Variants in LRRC71 observed in about 807,000 individuals in gnomAD.
The protein encoded by LRRC71 is leucine-rich repeat-containing protein 71.
In LRRC71, 54 loss-of-function variants were observed where a neutral mutation model predicts 66.6. The observed-to-expected ratio is 0.81, with a 90% CI of 0.65 to 1.02. The LOEUF is 1.02. LRRC71 is among the 50% of genes least tolerant of loss of function. The pLI is 0.00. For missense variants in LRRC71, 724 were observed against 718.0 expected (o/e 1.01, Z -0.10); for synonymous variants, 323 against 303.9 (o/e 1.06, Z -0.65).
downstream of LRRC71, chr1:156,937,041 C>T: frequency 6.2e-7 from 1 of 1,602,176 alleles, no homozygotes; most frequent in South Asian, 1.1e-5. Context: ...TGCTCGAGTC[C>T]TTCTATTCCT....
chr1:156,924,292 G>T, intron 2 of LRRC71, 132 bp from the exon 3 acceptor site: 3 of 1,362,400 alleles, frequency 2.2e-6, no homozygotes, highest in Middle Eastern at 2.6e-4. Context: ...CGAGTGGCCG[G>T]AGAGGCAGAG....
At position 156,931,980 on chromosome 1, in the gene LRRC71, A is replaced by G; in HGVS notation, c.1394A>G (p.Lys465Arg). 6.2e-7 allele frequency: 1 copy of G among 1,601,554 alleles called. No homozygotes were observed. The highest frequency in any genetic ancestry group is 8.5e-7 in the Non-Finnish European group (1 of 1,174,014). The change falls in exon 13 of 15, where the codon AAA (lysine) becomes AGA (arginine). Residue 465 changes from lysine to arginine, a missense_variant. Physicochemically the swap from Lys to Arg is conservative, Grantham distance 26. Transcript: ENST00000337428. The stretch of plus-strand genomic sequence containing the variant: ...GAGCCTGTGGAGCACCGAGATGGGA[A>G]AGTTTTCATGCCTGGGAACAAGGTC... ...LLEPVEHRDGKVFMPGNKVLL... is the reference protein window; with the variant it reads ...LLEPVEHRDGRVFMPGNKVLL...
At chr1:156,929,205 A>G in intron 9 of LRRC71, 75 bp from the exon 10 acceptor site, 1 of 1,516,828 alleles carries the variant, frequency 6.6e-7, no homozygotes, top group Middle Eastern at 2.0e-4. Context: ...AAGTATGGGT[A>G]TAGCTACCTT....
At chr1:156,936,480 GAAAAAAAA>G (rs35863393), downstream of LRRC71, among the ~76,000 whole-genome samples, 6 of 48,020 alleles carry the variant, frequency 1.2e-4, no homozygotes, top group African/African-American at 3.5e-4. Flanking sequence ...CAAATAAATA[GAAAAAAAA>G]AAAAAAAAAA....
the LRRC71 span, chr1:156,939,212 A>T: frequency 3.1e-6 from 1 of 317,994 alleles, no homozygotes; most frequent in Non-Finnish European, 5.9e-6. Context: ...GGAACAGGAG[A>T]TCAGTGAGGA....
chr1:156,931,250 C>G (rs981190058), intron 12 of LRRC71, among the ~76,000 whole-genome samples: 3 of 152,184 alleles, frequency 2.0e-5, no homozygotes, highest in Non-Finnish European at 4.4e-5. Context: ...TTATTTTTCT[C>G]TTCCATTGGA....
chr1:156,938,473 C>G, the LRRC71 span: 3 of 1,613,874 alleles, frequency 1.9e-6, no homozygotes, highest in African/African-American at 1.3e-5. Flanking sequence ...ACTGGCCACT[C>G]TCTGGTAGTG....
intron 5 of LRRC71, among the ~76,000 whole-genome samples, chr1:156,925,753 A>T (rs1571039802): frequency 6.6e-6 from 1 of 151,880 alleles, no homozygotes; most frequent in African/African-American, 2.4e-5. Context: ...GCGGGGGGGT[A>T]CCCCTCCATG....
At position 156,929,726 on chromosome 1, in the gene LRRC71, G is replaced by A; in HGVS notation, c.1237G>A (p.Gly413Arg). The change falls in exon 11 of 15, where the codon GGG (glycine) becomes AGG (arginine). Residue 413 changes from glycine (G) to arginine (R), a missense_variant. By Grantham distance (125) the Gly-to-Arg change is moderately radical. Transcript: ENST00000337428. The part of the protein sequence containing the change: ...KKEDATKAGK[G>R]KVTIPEQKPS... ...GGAAGATGCCACAAAGGCAGGCAAG[G>A]GGAGTAAGTGCGGGTGCCCCTGGGT... is the stretch of plus-strand genomic sequence containing the variant. 1.9e-6 allele frequency: 3 copies of A among 1,561,906 alleles called. No homozygotes were observed. The highest frequency in any genetic ancestry group is 2.4e-5 in the East Asian group (1 of 41,588).
chr1:156,930,099 CT>C (rs5778012), intron 11 of LRRC71, among the ~76,000 whole-genome samples: 2,167 of 113,062 alleles, frequency 0.019, 72 homozygotes, highest in African/African-American at 0.069. Context: ...CTTTCTCTCT[CT>C]TTTTTTTTTT....
chr1:156,940,269 A>G, the LRRC71 span: 4 of 1,612,310 alleles, frequency 2.5e-6, no homozygotes, highest in African/African-American at 5.3e-5. Context: ...GGCCAAGTGG[A>G]TGGGGTTCCT....
chr1:156,932,737 T>C lies in LRRC71; in HGVS notation c.1564-116T>C, dbSNP rs1654571009. 3.3e-6 allele frequency: 5 copies of C among 1,500,672 alleles called. No individual in the cohort carries two copies. In the African/African-American group the frequency reaches 6.9e-5, roughly 21 times the overall value. The allele number at this position is 1,500,672 out of a possible 1,614,324, so 93.0% of individuals were successfully genotyped here. ...AATCAGCAGTATTAATCACTCTGCT[T>C]TTTCTGCATGTCCCCCAGCCCCTAA... On this transcript the variant is annotated intron_variant, in intron 14 of 14. Coordinates refer to ENST00000337428, the MANE Select transcript of LRRC71 (RefSeq NM_144702.3).
rs1364372462 is a variant in LRRC71 at position 156,931,953 on chromosome 1, T to C, written c.1367T>C (p.Leu456Pro). The C allele has an allele frequency of 6.3e-7, 1 of 1,598,296 alleles. No individual in the cohort carries two copies. The highest frequency in any genetic ancestry group is 1.3e-5 in the African/African-American group (1 of 74,660). Residue 456 changes from leucine (L) to proline (P), a missense_variant, in exon 13 of 15, where the codon CTG (leucine) becomes CCG (proline). Physicochemically the swap from Leu to Pro is moderately conservative, Grantham distance 98. Transcript: ENST00000337428. Reference sequence around the variant, plus strand: ...GCTACTGAGGTGGTCAACCCTCTCCTGGAGCCTGTGGAGCACCGAGATGGG... The same window carrying C: ...GCTACTGAGGTGGTCAACCCTCTCCCGGAGCCTGTGGAGCACCGAGATGGG... ...VEATEVVNPLLEPVEHRDGKV... is the reference protein window; with the variant it reads ...VEATEVVNPLPEPVEHRDGKV...
the LRRC71 span, chr1:156,939,991 C>A: frequency 1.3e-6 from 2 of 1,559,736 alleles, no homozygotes; most frequent in Admixed American, 4.0e-5. Context: ...CCCCACTGAC[C>A]CCAAGGTGGT....
At chr1:156,939,369 G>T in the LRRC71 span, 4 of 804,228 alleles carry the variant, frequency 5.0e-6, no homozygotes, top group Non-Finnish European at 5.9e-6. Context: ...TCTGAATCTC[G>T]AATGTCCAAC....
chr1:156,926,723 C>T (rs1242320164), intron 5 of LRRC71, among the ~76,000 whole-genome samples: 5 of 152,074 alleles, frequency 3.3e-5, no homozygotes, highest in South Asian at 2.1e-4. Context: ...TACAGGTGCA[C>T]GCCACCATGT....
rs1364556066 is a variant in LRRC71 at position 156,933,022 on chromosome 1, T to A, written c.*53T>A. 2.2e-6 allele frequency: 3 copies of A among 1,383,250 alleles called. No homozygotes were observed. Among genetic ancestry groups the A allele is most frequent in the Non-Finnish European group, 3.0e-6 (3 of 999,044 alleles). 85.7% of individuals were successfully genotyped at this position (1,383,250 alleles called of 1,614,324 possible). A position where few individuals can be genotyped will look rare whatever the true frequency, so the allele number is the denominator to read the frequency against. On this transcript the variant is annotated 3_prime_UTR_variant, in exon 15 of 15. Transcript: ENST00000337428. ...CTCGGGGCTACAGAAGCACCTCCTG[T>A]CCCTGTGTGGGGTGACCTCCCTGGG... is the stretch of plus-strand genomic sequence containing the variant.
At chr1:156,933,584 A>T (rs1049982603), downstream of LRRC71, among the ~76,000 whole-genome samples, 4 of 152,248 alleles carry the variant, frequency 2.6e-5, no homozygotes, top group East Asian at 7.7e-4. Flanking sequence ...CAACATCTAC[A>T]TAGCAAAGGC....
Position 156,927,269 on chromosome 1 carries a change from A to G in LRRC71, c.661A>G (p.Thr221Ala). 1.2e-6 allele frequency: 2 copies of G among 1,613,604 alleles called. No homozygotes were observed. Among genetic ancestry groups the G allele is most frequent in the Non-Finnish European group, 1.7e-6 (2 of 1,179,688 alleles). Residue 221 changes from threonine (T) to alanine (A), a missense_variant and splice_region_variant, in exon 6 of 15, where the codon ACG (threonine) becomes GCG (alanine). Coordinates refer to ENST00000337428, the MANE Select transcript of LRRC71 (RefSeq NM_144702.3). ...SYHKLMALDS[T>A]IAHLSLRNNN... Reference sequence around the variant, plus strand: ...TCACAAGCTCATGGCCTTGGACAGCACGTGAGACTCCCTGCCCTCACCCCC... The same window carrying G: ...TCACAAGCTCATGGCCTTGGACAGCGCGTGAGACTCCCTGCCCTCACCCCC...
Sources: gnomAD v4.1 joint callset for allele counts (sites outside exome capture counted in the v4.1 genomes callset) on GRCh38, gnomAD v4.1.1 for gene constraint, MANE v1.5 for transcripts, NCBI Gene and HGNC (gene_info 2026-07-23, HGNC 2026-07-21) for gene names.